Variants in EPHA3 observed in about 807,000 individuals in gnomAD.
EPHA3 encodes ephrin type-A receptor 3.
Under a neutral mutation model 107.1 loss-of-function variants are expected in EPHA3, and 42 were observed. The ratio of observed to expected loss-of-function variants is 0.39; its 90% CI spans 0.31 to 0.51. EPHA3 has a LOEUF of 0.51. Ranked by LOEUF, EPHA3 falls within the 20% of genes least tolerant of loss-of-function variation. The pLI is 0.78. For missense variants in EPHA3, 1,183 were observed against 1,211.2 expected (o/e 0.98, Z 0.35); for synonymous variants, 461 against 424.8 (o/e 1.09, Z -1.05).
intron 3 of EPHA3, among the ~76,000 whole-genome samples, chr3:89,330,962 A>G (rs1287536732): frequency 3.3e-5 from 5 of 152,136 alleles, no homozygotes; most frequent in Non-Finnish European, 7.4e-5. Context: ...AAAAAGCAAG[A>G]AGAAAAAGGA....
chr3:89,285,184 G>A (rs1353019003), intron 3 of EPHA3, among the ~76,000 whole-genome samples: 1 of 151,948 alleles, frequency 6.6e-6, no homozygotes, highest in East Asian at 1.9e-4. Context: ...TTGTTTAATG[G>A]CTGACAGTTT....
chr3:89,300,987 T>C (rs1327240255), intron 3 of EPHA3, among the ~76,000 whole-genome samples: 1 of 152,252 alleles, frequency 6.6e-6, no homozygotes, highest in South Asian at 2.1e-4. Context: ...TTCAGCACTT[T>C]TGTCTCCCTG....
intron 11 of EPHA3, among the ~76,000 whole-genome samples, chr3:89,423,905 C>T (rs1709402267): frequency 6.6e-6 from 1 of 151,298 alleles, no homozygotes; most frequent in African/African-American, 2.4e-5. Context: ...TGCCCAAAGA[C>T]ACCATTTCTA....
intron 13 of EPHA3, among the ~76,000 whole-genome samples, chr3:89,436,061 A>G (rs1465774418): frequency 6.6e-6 from 1 of 151,926 alleles, no homozygotes. Flanking sequence ...AGATCACTTG[A>G]GTCCAGGAGG....
intron 3 of EPHA3, among the ~76,000 whole-genome samples, chr3:89,233,962 G>A (rs1559612370): frequency 6.6e-6 from 1 of 152,104 alleles, no homozygotes; most frequent in Non-Finnish European, 1.5e-5. Context: ...TGACCATTTT[G>A]GGCTTGCAGT....
At chr3:89,296,604 A>T (rs1396560022) in intron 3 of EPHA3, among the ~76,000 whole-genome samples, 1 of 152,088 alleles carries the variant, frequency 6.6e-6, no homozygotes, top group South Asian at 2.1e-4. Context: ...ATATTTAGCA[A>T]AATTATTAAG....
intron 3 of EPHA3, among the ~76,000 whole-genome samples, chr3:89,328,097 CAAAAAAAG>C (rs909376508): frequency 3.3e-5 from 5 of 150,726 alleles, no homozygotes; most frequent in Non-Finnish European, 7.4e-5. Context: ...GACTCCATCT[CAAAAAAAG>C]AAAAAAAGAA....
intron 1 of EPHA3, among the ~76,000 whole-genome samples, chr3:89,111,886 ACT>A (rs1707119088): frequency 6.6e-6 from 1 of 152,016 alleles, no homozygotes; most frequent in African/African-American, 2.4e-5. Flanking sequence ...GCAATTATAA[ACT>A]CTTTTAGATA....
intron 3 of EPHA3, among the ~76,000 whole-genome samples, chr3:89,266,809 C>G (rs1705548853): frequency 6.6e-6 from 1 of 151,900 alleles, no homozygotes. Flanking sequence ...TGAGTAGACA[C>G]ACAAATTAGC....
At chr3:89,405,614 C>A (rs903580743) in intron 7 of EPHA3, among the ~76,000 whole-genome samples, 3 of 152,148 alleles carry the variant, frequency 2.0e-5, no homozygotes, top group South Asian at 2.1e-4. Flanking sequence ...ATTTAACTAA[C>A]CCTAAAACCA....
At chr3:89,432,465 A>C (rs1323775427) in intron 13 of EPHA3, among the ~76,000 whole-genome samples, 1 of 151,994 alleles carries the variant, frequency 6.6e-6, no homozygotes, top group African/African-American at 2.4e-5. Flanking sequence ...TCATTGTAGC[A>C]GCCTCAAACT....
chr3:89,180,854 TTG>T (rs1431766426), intron 2 of EPHA3, among the ~76,000 whole-genome samples: 5 of 151,968 alleles, frequency 3.3e-5, no homozygotes, highest in Non-Finnish European at 7.4e-5. Flanking sequence ...CAAGTTTAGT[TTG>T]TGTAATTTGC....
At chr3:89,252,255 A>C (rs1158509436) in intron 3 of EPHA3, among the ~76,000 whole-genome samples, 4 of 152,216 alleles carry the variant, frequency 2.6e-5, no homozygotes, top group African/African-American at 4.8e-5. Flanking sequence ...GAAATGTTGA[A>C]TTCCACGACT....
chr3:89,449,390 C>T lies in EPHA3; in HGVS notation c.2496+16C>T. 2 of 1,565,364 alleles carry T rather than the reference C, an allele frequency of 1.3e-6. No homozygotes were observed. Among genetic ancestry groups the T allele is most frequent in the East Asian group, 4.5e-5 (2 of 44,162 alleles). On this transcript the variant is annotated intron_variant, in intron 14 of 16. Transcript: ENST00000336596. Reference sequence around the variant, plus strand: ...CAATCAGGATGTAAGTATTTGTGGTCTATGAGTTATGAGTTCAGATGAAAA... The same window carrying T: ...CAATCAGGATGTAAGTATTTGTGGTTTATGAGTTATGAGTTCAGATGAAAA...
chr3:89,227,589 T>A (rs144864143), intron 3 of EPHA3, among the ~76,000 whole-genome samples: 387 of 152,114 alleles, frequency 2.5e-3, no homozygotes, highest in African/African-American at 9.1e-3. Flanking sequence ...GGGGCAAAAT[T>A]TCTCAATTAC....
chr3:89,137,227 A>G (rs9859735), intron 2 of EPHA3, among the ~76,000 whole-genome samples: 144,314 of 151,938 alleles, frequency 0.95, 68,613 homozygotes, highest in African/African-American at 0.97. Context: ...AAGCTTCCAA[A>G]TGTTCTTTTG....
intron 16 of EPHA3, among the ~76,000 whole-genome samples, chr3:89,478,450 G>A (rs73846198): frequency 0.034 from 5,150 of 152,260 alleles, 289 homozygotes; most frequent in African/African-American, 0.12. Flanking sequence ...GAAGCTTACA[G>A]CTGCCAAATG....
intron 2 of EPHA3, among the ~76,000 whole-genome samples, chr3:89,127,540 G>A (rs1360469717): frequency 1.3e-5 from 2 of 151,916 alleles, no homozygotes; most frequent in African/African-American, 2.4e-5. Context: ...TCATGTCAAT[G>A]ATCTAAGAGT....
intron 3 of EPHA3, among the ~76,000 whole-genome samples, chr3:89,318,751 T>C (rs1398532): frequency 0.47 from 70,619 of 151,660 alleles, 16,777 homozygotes; most frequent in African/African-American, 0.53. Context: ...AATAATGACA[T>C]CTCTAAAGAA....
Sources: allele counts gnomAD v4.1 joint callset (sites outside exome capture counted in the v4.1 genomes callset), GRCh38; gene constraint gnomAD v4.1.1; transcripts MANE v1.5; gene names NCBI Gene and HGNC (gene_info 2026-07-23, HGNC 2026-07-21).